PCBP3: variants seen among roughly 807,000 people sequenced by gnomAD.
The protein encoded by PCBP3 is poly(rC)-binding protein 3.
In PCBP3, 25 loss-of-function variants were observed where a neutral mutation model predicts 52.7. The ratio of observed to expected loss-of-function variants is 0.47; its 90% CI spans 0.35 to 0.66. The LOEUF is 0.66. Among genes scored for constraint, PCBP3 ranks in the 30% least tolerant of loss-of-function variants. PCBP3 has a pLI of 0.01. For missense variants in PCBP3, 391 were observed against 490.3 expected (o/e 0.80, Z 1.91); for synonymous variants, 162 against 183.0 (o/e 0.89, Z 0.93).
chr21:45,791,842 G>A lies in PCBP3; in HGVS notation c.-126+36390G>A, dbSNP rs1219257283. On this transcript the variant is annotated intron_variant, in intron 4 of 17. Transcript: ENST00000681687. The surrounding 1 kb of genome is among the most constrained non-coding windows in gnomAD (Gnocchi z 4.2). ...AGGGTAAGGCTTAAATAATCCTAAAGCAACTATGTAGTTAGGTCCTGCTCC... is the reference window on the plus strand; with the variant it reads ...AGGGTAAGGCTTAAATAATCCTAAAACAACTATGTAGTTAGGTCCTGCTCC... Among the ~76,000 whole-genome samples the A allele has an allele frequency of 6.6e-6, 1 of 152,228 alleles. No homozygotes were observed. The highest frequency in any genetic ancestry group is 1.5e-5 in the Non-Finnish European group (1 of 68,046).
chr21:45,902,085 T>C (rs1222392412), intron 9 of PCBP3, among the ~76,000 whole-genome samples: 2 of 152,190 alleles, frequency 1.3e-5, no homozygotes, highest in Non-Finnish European at 2.9e-5. Context: ...AGATGTGCCC[T>C]GGGGCCAGCA....
chr21:45,782,542 G>A (rs1354987118), intron 4 of PCBP3, among the ~76,000 whole-genome samples: 2 of 152,226 alleles, frequency 1.3e-5, no homozygotes, highest in East Asian at 3.8e-4. Flanking sequence ...TAGAATGCAA[G>A]AGGCCTGCAG....
At chr21:45,812,287 A>G (rs1253311729) in intron 4 of PCBP3, among the ~76,000 whole-genome samples, 1 of 152,188 alleles carries the variant, frequency 6.6e-6, no homozygotes, top group African/African-American at 2.4e-5. Context: ...TCCTGAGAAC[A>G]TGTGCCCAAA....
chr21:45,878,840 A>G (rs2095332343), intron 5 of PCBP3, among the ~76,000 whole-genome samples: 1 of 152,212 alleles, frequency 6.6e-6, no homozygotes, highest in Non-Finnish European at 1.5e-5. Flanking sequence ...GGAAATGAGC[A>G]ACACACACCA....
At chr21:45,771,102 C>T (rs986230305) in intron 4 of PCBP3, among the ~76,000 whole-genome samples, 2 of 152,274 alleles carry the variant, frequency 1.3e-5, no homozygotes, top group Non-Finnish European at 2.9e-5. Flanking sequence ...TTCCTTCCCC[C>T]TGGCTCAGCC....
At chr21:45,697,500 T>G (rs1362920841) in intron 2 of PCBP3, among the ~76,000 whole-genome samples, 1 of 152,084 alleles carries the variant, frequency 6.6e-6, no homozygotes, top group Non-Finnish European at 1.5e-5. Context: ...GTTCCAGCAC[T>G]TTGGGAGGCT....
chr21:45,856,822 G>A (rs1480339167), intron 5 of PCBP3, among the ~76,000 whole-genome samples: 1 of 152,212 alleles, frequency 6.6e-6, no homozygotes, highest in African/African-American at 2.4e-5. Context: ...AGGGAGGCAT[G>A]AGACATCAAT....
chr21:45,695,788 T>C (rs1249316308), intron 2 of PCBP3, among the ~76,000 whole-genome samples: 3 of 152,118 alleles, frequency 2.0e-5, no homozygotes, highest in Non-Finnish European at 4.4e-5. Flanking sequence ...ACGAAAAGAA[T>C]GGTCTTTTCC....
chr21:45,874,574 C>A (rs535880906), intron 5 of PCBP3, among the ~76,000 whole-genome samples: 1 of 149,730 alleles, frequency 6.7e-6, no homozygotes, highest in Non-Finnish European at 1.5e-5. Flanking sequence ...GGCGCGATCT[C>A]GGCTTACTGC....
chr21:45,718,786 T>C (rs2084404885), intron 2 of PCBP3, among the ~76,000 whole-genome samples: 1 of 152,200 alleles, frequency 6.6e-6, no homozygotes, highest in Admixed American at 6.5e-5. Flanking sequence ...TCTGCCATTC[T>C]CACAGATGCC....
chr21:45,756,991 C>T (rs1266060826), intron 4 of PCBP3, among the ~76,000 whole-genome samples: 2 of 152,112 alleles, frequency 1.3e-5, no homozygotes, highest in Non-Finnish European at 1.5e-5. Context: ...TACAAACATT[C>T]CTGTACAAGT....
intron 7 of PCBP3, 56 bp downstream of exon 7, chr21:45,899,678 G>T (rs1603480108): frequency 2.2e-6 from 3 of 1,378,358 alleles, no homozygotes; most frequent in East Asian, 2.3e-5. Context: ...GGATGGTGAG[G>T]ATGGCAGCCT....
intron 4 of PCBP3, among the ~76,000 whole-genome samples, chr21:45,824,903 T>TG (rs1305032122): frequency 6.6e-6 from 1 of 152,188 alleles, no homozygotes; most frequent in Non-Finnish European, 1.5e-5. Flanking sequence ...CAGTAAAAAG[T>TG]GGAACAGCCC....
chr21:45,856,601 C>A lies in PCBP3; in HGVS notation c.10+6506C>A, dbSNP rs2094306815. Among the ~76,000 whole-genome samples the A allele has an allele frequency of 2.0e-5, 3 of 152,264 alleles. No individual in the cohort carries two copies. In the South Asian group the frequency reaches 6.2e-4, roughly 32 times the overall value. On this transcript the variant is annotated intron_variant, in intron 5 of 17. Coordinates refer to ENST00000681687, the MANE Select transcript of PCBP3 (RefSeq NM_001384156.1). ...AAGTGTGTGGCACGCCCCCCCCACC[C>A]CCGCTCTGCCCCGGTGACGTGCCTG...
intron 4 of PCBP3, among the ~76,000 whole-genome samples, chr21:45,789,439 CAT>C (rs76697248): frequency 0.13 from 20,386 of 152,150 alleles, 1,703 homozygotes; most frequent in Middle Eastern, 0.29. Flanking sequence ...TATGTGTACA[CAT>C]GTGTGCATAC....
chr21:45,869,093 A>C (rs1245779191), intron 5 of PCBP3: 1 of 152,206 alleles, frequency 6.6e-6, no homozygotes, highest in Non-Finnish European at 1.5e-5. Flanking sequence ...CTTGTCTTTC[A>C]CCCAAGTATC....
At chr21:45,849,341 G>A (rs183993459) in intron 4 of PCBP3, among the ~76,000 whole-genome samples, 127 of 152,178 alleles carry the variant, frequency 8.3e-4, no homozygotes, top group Non-Finnish European at 1.3e-3. Flanking sequence ...GAGTAGCTGG[G>A]ATTACAGGTG....
intron 3 of PCBP3, chr21:45,747,979 C>T (rs886596011): frequency 6.6e-6 from 1 of 152,226 alleles, no homozygotes; most frequent in African/African-American, 2.4e-5. Flanking sequence ...GATCATTTTT[C>T]GTGATGACTC....
intron 1 of PCBP3, among the ~76,000 whole-genome samples, chr21:45,668,073 A>G (rs1193517359): frequency 2.0e-5 from 3 of 152,098 alleles, no homozygotes; most frequent in Non-Finnish European, 4.4e-5. Context: ...CTTAGCCTTC[A>G]TTTTCTGATT....
Sources: allele counts gnomAD v4.1 joint callset (sites outside exome capture counted in the v4.1 genomes callset), GRCh38; gene constraint gnomAD v4.1.1; non-coding constraint Gnocchi (gnomAD v3.1); transcripts MANE v1.5; gene names NCBI Gene and HGNC (gene_info 2026-07-23, HGNC 2026-07-21).